The following ROBO1 variants were observed in gnomAD, a reference collection of about 807,000 sequenced individuals.
ROBO1 encodes the protein roundabout homolog 1.
A neutral mutation model predicts 195.9 loss-of-function variants in ROBO1; 149 were observed. The observed-to-expected ratio is 0.76, with a 90% CI of 0.67 to 0.87. The LOEUF (loss-of-function observed/expected upper bound fraction) is 0.87, where lower values mean the gene tolerates loss of function less well. ROBO1 is among the 40% of genes least tolerant of loss of function. ROBO1 has a pLI of 0.00. For synonymous variants in ROBO1, 816 were observed against 733.2 expected (o/e 1.11, Z -1.82); for missense variants, 1,933 against 2,068.3 (o/e 0.93, Z 1.27).
intron 2 of ROBO1, among the ~76,000 whole-genome samples, chr3:79,455,383 T>G (rs2107223304): frequency 6.6e-6 from 1 of 152,198 alleles, no homozygotes; most frequent in Middle Eastern, 3.4e-3. Context: ...GACAAGAAAT[T>G]TGCCTTTTTT....
intron 2 of ROBO1, among the ~76,000 whole-genome samples, chr3:79,462,151 A>T (rs1937673720): frequency 6.6e-6 from 1 of 152,148 alleles, no homozygotes; most frequent in African/African-American, 2.4e-5. Context: ...AAAAGTAGAC[A>T]CTTTTTTTCC....
chr3:78,605,168 T>C (rs753075837), intron 29 of ROBO1, among the ~76,000 whole-genome samples: 2 of 152,228 alleles, frequency 1.3e-5, no homozygotes, highest in Non-Finnish European at 2.9e-5. Context: ...CTTTCACCAC[T>C]GTGGTATTTT....
intron 2 of ROBO1, among the ~76,000 whole-genome samples, chr3:79,257,547 G>A (rs1314434992): frequency 1.3e-5 from 2 of 152,070 alleles, no homozygotes. Context: ...TGGTTGGCCT[G>A]GCATAGATTG....
At position 78,934,512 on chromosome 3, in the gene ROBO1, T is replaced by C. The variant is rs190084480; in HGVS notation, c.499+4089A>G. On this transcript the variant is annotated intron_variant, in intron 4 of 30. Coordinates refer to ENST00000464233, the MANE Select transcript of ROBO1 (RefSeq NM_002941.4). ...GATCCAATATAAAGTTAGTTCAATT[T>C]CAAACATAAAAAGTCTGTCCAGTAA... 3.9e-5 allele frequency among the ~76,000 whole-genome samples: 6 copies of C among 152,046 alleles called. No individual in the cohort carries two copies. In the East Asian group the frequency reaches 1.2e-3, roughly 29 times the overall value.
chr3:79,508,973 G>T (rs1940555601), intron 2 of ROBO1, among the ~76,000 whole-genome samples: 1 of 151,712 alleles, frequency 6.6e-6, no homozygotes, highest in Admixed American at 6.6e-5. Flanking sequence ...CAGTTGAAAA[G>T]AATTCATAGT....
intron 4 of ROBO1, among the ~76,000 whole-genome samples, chr3:78,806,239 G>T (rs994781089): frequency 6.6e-6 from 1 of 152,040 alleles, no homozygotes; most frequent in African/African-American, 2.4e-5. Context: ...CTCCCACAGT[G>T]CTGGGATTAT....
At chr3:78,738,236 T>C (rs535990222) in intron 5 of ROBO1, among the ~76,000 whole-genome samples, 4 of 152,120 alleles carry the variant, frequency 2.6e-5, no homozygotes, top group Non-Finnish European at 5.9e-5. Context: ...GTGAGTCAGC[T>C]GCTTTTTACC....
chr3:79,023,389 C>G (rs986124532), intron 3 of ROBO1, among the ~76,000 whole-genome samples: 1 of 151,988 alleles, frequency 6.6e-6, no homozygotes, highest in African/African-American at 2.4e-5. Flanking sequence ...TAAAGTGATC[C>G]GAATAATCCG....
At chr3:79,068,163 G>A (rs1037865973) in intron 3 of ROBO1, among the ~76,000 whole-genome samples, 10 of 151,766 alleles carry the variant, frequency 6.6e-5, no homozygotes, top group Admixed American at 3.3e-4. Context: ...CATAAATATC[G>A]CCACCATATG....
At chr3:79,197,552 C>T (rs2081662639) in intron 2 of ROBO1, among the ~76,000 whole-genome samples, 1 of 151,878 alleles carries the variant, frequency 6.6e-6, no homozygotes, top group Admixed American at 6.6e-5. Context: ...GGATATATAC[C>T]CAGTAATGGG....
intron 10 of ROBO1, among the ~76,000 whole-genome samples, chr3:78,676,555 A>C (rs1279043495): frequency 1.3e-5 from 2 of 152,228 alleles, no homozygotes; most frequent in African/African-American, 2.4e-5. Context: ...CGATGCGATC[A>C]ACTGGAAGAA....
At chr3:78,818,952 T>A (rs2030517496) in intron 4 of ROBO1, among the ~76,000 whole-genome samples, 1 of 152,222 alleles carries the variant, frequency 6.6e-6, no homozygotes, top group Non-Finnish European at 1.5e-5. Context: ...TGTTAATCTC[T>A]TCTTACTGTG....
chr3:79,379,292 C>T (rs1217927563), intron 2 of ROBO1, among the ~76,000 whole-genome samples: 1 of 152,150 alleles, frequency 6.6e-6, no homozygotes, highest in African/African-American at 2.4e-5. Context: ...TTTTCACGGC[C>T]AGCAGAGTGT....
chr3:79,725,351 C>T (rs1339686583), intron 1 of ROBO1, among the ~76,000 whole-genome samples: 2 of 150,952 alleles, frequency 1.3e-5, no homozygotes, highest in African/African-American at 2.4e-5. Context: ...CTCAGCCTCC[C>T]GAGTAGCTGG....
chr3:78,883,375 C>A (rs1306143980), intron 4 of ROBO1, among the ~76,000 whole-genome samples: 1 of 152,076 alleles, frequency 6.6e-6, no homozygotes, highest in African/African-American at 2.4e-5. Flanking sequence ...TTGTCTTCAA[C>A]CACATGAGAC....
At chr3:79,094,127 G>T (rs2108495393) in intron 3 of ROBO1, among the ~76,000 whole-genome samples, 1 of 152,158 alleles carries the variant, frequency 6.6e-6, no homozygotes, top group South Asian at 2.1e-4. Context: ...AAGATGTTGA[G>T]AAGAACCAAG....
intron 2 of ROBO1, among the ~76,000 whole-genome samples, chr3:79,409,163 G>T (rs1194893912): frequency 6.6e-6 from 1 of 152,058 alleles, no homozygotes; most frequent in Non-Finnish European, 1.5e-5. Context: ...AGACATTAAA[G>T]TGTCTCAAGA....
chr3:78,976,742 A>G (rs1291384629), intron 3 of ROBO1, among the ~76,000 whole-genome samples: 4 of 152,190 alleles, frequency 2.6e-5, no homozygotes, highest in Non-Finnish European at 2.9e-5. Flanking sequence ...TTCACTTAAT[A>G]TAACCAAGGG....
intron 1 of ROBO1, among the ~76,000 whole-genome samples, chr3:79,736,343 G>C (rs1328905019): frequency 6.6e-6 from 1 of 152,146 alleles, no homozygotes; most frequent in Non-Finnish European, 1.5e-5. Context: ...GAAGTCTCAG[G>C]GGCAATGGTA....
Sources: gnomAD v4.1 joint callset for allele counts (sites outside exome capture counted in the v4.1 genomes callset) on GRCh38, gnomAD v4.1.1 for gene constraint, MANE v1.5 for transcripts, NCBI Gene and HGNC (gene_info 2026-07-23, HGNC 2026-07-21) for gene names.